The following AS3MT variants were observed in gnomAD, a reference collection of about 807,000 sequenced individuals.
The protein encoded by AS3MT is arsenite methyltransferase.
A neutral mutation model predicts 45.3 loss-of-function variants in AS3MT; 47 were observed. The ratio of observed to expected loss-of-function variants is 1.04; its 90% CI spans 0.82 to 1.32. AS3MT has a LOEUF of 1.32. AS3MT is among the 40% of genes most tolerant of loss of function. AS3MT has a pLI of 0.00. For synonymous variants in AS3MT, 141 were observed against 152.8 expected (o/e 0.92, Z 0.57); for missense variants, 396 against 451.1 (o/e 0.88, Z 1.11).
In AS3MT at chr10:102,873,162, G is replaced by A. The variant is rs779150261; in HGVS notation, c.387G>A (p.Val129=). 2 of 1,610,414 alleles carry A rather than the reference G, an allele frequency of 1.2e-6. No homozygotes were observed. The highest frequency in any genetic ancestry group is 1.1e-5 in the South Asian group (1 of 89,920). ...AATATGGCTTCCAGGCATCTAATGT[G>A]ACTTTTATTCATGGCTACATTGAGA... ...MEKYGFQASN[V]TFIHGYIEKL... is the part of the protein sequence containing the mutation. The change falls in exon 5 of 11, where the codon GTG becomes GTA. Residue 129 remains valine, a synonymous_variant. Coordinates refer to ENST00000369880, the MANE Select transcript of AS3MT (RefSeq NM_020682.4).
At chr10:102,890,218 G>A (rs1042603644) in intron 9 of AS3MT, among the ~76,000 whole-genome samples, 2 of 151,934 alleles carry the variant, frequency 1.3e-5, no homozygotes, top group African/African-American at 2.4e-5. Context: ...TAGCCAGGAT[G>A]GTCTCGATCT....
chr10:102,869,964 G>T, intron 2 of AS3MT, 119 bp downstream of exon 2: 1 of 1,561,418 alleles, frequency 6.4e-7, no homozygotes, highest in South Asian at 1.2e-5. Context: ...TCTAGGCTTC[G>T]ACCTTTCCAG....
chr10:102,891,689 C>T (rs1477729087), intron 10 of AS3MT, among the ~76,000 whole-genome samples: 1 of 151,964 alleles, frequency 6.6e-6, no homozygotes, highest in Non-Finnish European at 1.5e-5. Flanking sequence ...AGTTCACACT[C>T]ATAATCCCAG....
chr10:102,882,736 G>A (rs1227373141), intron 9 of AS3MT, among the ~76,000 whole-genome samples: 2 of 152,084 alleles, frequency 1.3e-5, no homozygotes, highest in East Asian at 1.9e-4. Flanking sequence ...GATTACAGGC[G>A]TGTGCCACCA....
At chr10:102,888,272 T>C (rs376456536) in intron 9 of AS3MT, 89 of 152,342 alleles carry the variant, frequency 5.8e-4, no homozygotes, top group African/African-American at 1.9e-3. Flanking sequence ...TTATTATTGA[T>C]ACATAAAGAC....
chr10:102,880,017 A>C (rs1340453218), intron 9 of AS3MT, among the ~76,000 whole-genome samples: 1 of 152,144 alleles, frequency 6.6e-6, no homozygotes, highest in Non-Finnish European at 1.5e-5. Flanking sequence ...GCATAATCAC[A>C]ATACCATTAC....
rs1845256368 is a variant in AS3MT, at chr10:102,900,718, G to C, written c.*18G>C. On this transcript the variant is annotated 3_prime_UTR_variant, in exon 11 of 11. Coordinates refer to ENST00000369880, the MANE Select transcript of AS3MT (RefSeq NM_020682.4). ...GCTGCTAAATCTATAGCCAACCAGG[G>C]GACCACAGTAGTGGGCAAGAGTGAT... 2 of 1,590,432 alleles carry C rather than the reference G, an allele frequency of 1.3e-6. No homozygotes were observed. The highest frequency in any genetic ancestry group is 8.6e-7 in the Non-Finnish European group (1 of 1,158,606).
chr10:102,874,117 G>C (rs1844741157), intron 5 of AS3MT, among the ~76,000 whole-genome samples: 1 of 152,170 alleles, frequency 6.6e-6, no homozygotes, highest in African/African-American at 2.4e-5. Context: ...GCTGGGTGTG[G>C]TGGCACATGC....
At chr10:102,873,352 C>A in intron 5 of AS3MT, 119 bp downstream of exon 5, 1 of 755,440 alleles carries the variant, frequency 1.3e-6, no homozygotes, top group Non-Finnish European at 1.9e-6. Flanking sequence ...CCAATGTCAG[C>A]TCACGATAAC....
At chr10:102,893,577 C>T (rs1329505167) in intron 10 of AS3MT, among the ~76,000 whole-genome samples, 1 of 151,306 alleles carries the variant, frequency 6.6e-6, no homozygotes, top group African/African-American at 2.4e-5. Context: ...CTCACTGCAA[C>T]CTCTGCCTCC....
At chr10:102,879,529 G>T (rs2134116546) in intron 9 of AS3MT, among the ~76,000 whole-genome samples, 1 of 152,024 alleles carries the variant, frequency 6.6e-6, no homozygotes, top group East Asian at 1.9e-4. Flanking sequence ...ACTTTGGGAG[G>T]CTGAGGCAGG....
intron 9 of AS3MT, among the ~76,000 whole-genome samples, chr10:102,889,614 G>T (rs78246259): frequency 2.2e-4 from 25 of 114,048 alleles, no homozygotes; most frequent in Admixed American, 8.9e-4. Flanking sequence ...CTGTCTGCCT[G>T]CCTTCCTTCC....
chr10:102,900,517 C>A, intron 10 of AS3MT, 76 bp from the exon 11 acceptor site: 3 of 1,060,498 alleles, frequency 2.8e-6, no homozygotes, highest in Non-Finnish European at 4.4e-6. Flanking sequence ...CAACCTAAAT[C>A]AAACAGAAAT....
intron 6 of AS3MT, among the ~76,000 whole-genome samples, chr10:102,875,476 CAAA>C (rs35877885): frequency 1.3e-4 from 5 of 39,632 alleles, no homozygotes; most frequent in African/African-American, 1.0e-4. Context: ...GACTCCATCT[CAAA>C]AAAAAAAAAA....
At chr10:102,885,324 A>C (rs923602341) in intron 9 of AS3MT, among the ~76,000 whole-genome samples, 12 of 150,532 alleles carry the variant, frequency 8.0e-5, no homozygotes, top group African/African-American at 2.2e-4. Flanking sequence ...TCCTTCTTTT[A>C]TTTTATTTTA....
At chr10:102,877,109 A>G in intron 7 of AS3MT, 74 bp downstream of exon 7, 8 of 1,388,932 alleles carry the variant, frequency 5.8e-6, no homozygotes, top group Non-Finnish European at 8.2e-6. Flanking sequence ...GCTAATAGCC[A>G]GGATGAGGCT....
Position 102,901,044 on chromosome 10 carries a change from G to A in AS3MT, c.*344G>A, listed in dbSNP as rs189373200. On this transcript the variant is annotated 3_prime_UTR_variant, in exon 11 of 11. Coordinates refer to ENST00000369880, the MANE Select transcript of AS3MT (RefSeq NM_020682.4). ...AGAGGCTGCAGTGAGTAAGCATCAC[G>A]CCACTGTACTCCAGCCTGGGCAACA... 111 of 141,390 alleles carry A rather than the reference G, an allele frequency of 7.9e-4. No individual in the cohort carries two copies. The highest frequency in any genetic ancestry group is 2.6e-3 in the African/African-American group (89 of 33,904). The allele number at this position is 141,390 out of a possible 1,614,324, so 8.8% of individuals were successfully genotyped here.
chr10:102,873,826 C>G (rs969683527), intron 5 of AS3MT, among the ~76,000 whole-genome samples: 1 of 152,174 alleles, frequency 6.6e-6, no homozygotes, highest in Non-Finnish European at 1.5e-5. Context: ...ACATGCTGAC[C>G]TGTATCTTTC....
At chr10:102,882,534 C>T (rs1307169521) in intron 9 of AS3MT, among the ~76,000 whole-genome samples, 2 of 152,154 alleles carry the variant, frequency 1.3e-5, no homozygotes, top group Non-Finnish European at 2.9e-5. Context: ...ATCCTTCCAC[C>T]TCAGCCTTCC....
Sources: allele counts gnomAD v4.1 joint callset (sites outside exome capture counted in the v4.1 genomes callset), GRCh38; gene constraint gnomAD v4.1.1; transcripts MANE v1.5; gene names NCBI Gene and HGNC (gene_info 2026-07-23, HGNC 2026-07-21).